The following PREX1 variants were observed in gnomAD, a reference collection of about 807,000 sequenced individuals.
The protein encoded by PREX1 is phosphatidylinositol 3,4,5-trisphosphate-dependent Rac exchanger 1 protein.
In PREX1, 41 loss-of-function variants were observed where a neutral mutation model predicts 198.3. The observed-to-expected ratio is 0.21, with a 90% CI of 0.16 to 0.27. The LOEUF (loss-of-function observed/expected upper bound fraction) is 0.27. Among genes scored for constraint, PREX1 ranks in the 10% least tolerant of loss-of-function variants. The pLI, the probability that PREX1 is intolerant of heterozygous loss-of-function variation, is 1.00. For synonymous variants in PREX1, 843 were observed against 887.2 expected (o/e 0.95, Z 0.89); for missense variants, 1,620 against 2,200.7 (o/e 0.74, Z 5.28).
chr20:48,857,840 G>A, the PREX1 span, among the ~76,000 whole-genome samples: 2 of 152,324 alleles, frequency 1.3e-5, no homozygotes, highest in East Asian at 3.9e-4. Flanking sequence ...GGTCCCGGGG[G>A]AGTTTGCATA....
intron 3 of PREX1, among the ~76,000 whole-genome samples, chr20:48,744,162 G>T (rs1413754520): frequency 6.6e-6 from 1 of 152,064 alleles, no homozygotes; most frequent in Non-Finnish European, 1.5e-5. Flanking sequence ...GGCATCCCTG[G>T]CCTCTACTTA....
intron 1 of PREX1, among the ~76,000 whole-genome samples, chr20:48,805,027 ATGAT>A (rs2090405538): frequency 1.3e-5 from 2 of 152,236 alleles, no homozygotes; most frequent in Non-Finnish European, 2.9e-5. Context: ...GGCATTTTAA[ATGAT>A]TGAGCAAGAT....
At chr20:48,653,159 G>C (rs2089513951) in intron 20 of PREX1, among the ~76,000 whole-genome samples, 1 of 152,176 alleles carries the variant, frequency 6.6e-6, no homozygotes, top group Non-Finnish European at 1.5e-5. Flanking sequence ...AGACCCCCGG[G>C]TATCATGGCT....
At chr20:48,803,138 A>T (rs911668449) in intron 1 of PREX1, among the ~76,000 whole-genome samples, 3 of 152,216 alleles carry the variant, frequency 2.0e-5, no homozygotes, top group Non-Finnish European at 4.4e-5. Context: ...AAACCCCCAG[A>T]TAAGTAGGTA....
chr20:48,803,799 G>C (rs1411428462), intron 1 of PREX1, among the ~76,000 whole-genome samples: 1 of 152,188 alleles, frequency 6.6e-6, no homozygotes, highest in Non-Finnish European at 1.5e-5. Context: ...GGTGATACTT[G>C]GTTCATGGAT....
At position 48,627,846 on chromosome 20, in the gene PREX1, G is replaced by A. The variant is rs778555124; in HGVS notation, c.4869+15C>T. On this transcript the variant is annotated intron_variant, in intron 38 of 39. Coordinates refer to ENST00000371941, the MANE Select transcript of PREX1 (RefSeq NM_020820.4). Reference sequence around the variant, plus strand: ...GCCCAGGGTGCTGGAGGACCCTGTGGCCAAGCGGCCTCACCTGCTTCCGCA... The same window carrying A: ...GCCCAGGGTGCTGGAGGACCCTGTGACCAAGCGGCCTCACCTGCTTCCGCA... 6.8e-6 allele frequency: 11 copies of A among 1,608,698 alleles called. No homozygotes were observed. Among genetic ancestry groups the A allele is most frequent in the Non-Finnish European group, 8.5e-6 (10 of 1,177,822 alleles).
rs79291265 is a variant in PREX1 at position 48,705,998 on chromosome 20, G to A, written c.783+2262C>T. Among the ~76,000 whole-genome samples, 291 of 152,224 alleles carry A rather than the reference G, an allele frequency of 1.9e-3. 9 individuals carry two copies. The highest frequency in any genetic ancestry group is 0.014 in the East Asian group (72 of 5,192). On this transcript the variant is annotated intron_variant, in intron 6 of 39. Transcript: ENST00000371941. ...CTCAGCTGCCTCATCTGTAAAATGG[G>A]GATAATAGCACCTCCCTTGTAGGGT...
At chr20:48,741,671 C>T (rs982115888) in intron 3 of PREX1, among the ~76,000 whole-genome samples, 2 of 152,126 alleles carry the variant, frequency 1.3e-5, no homozygotes, top group African/African-American at 4.8e-5. Context: ...GCGGACTGTT[C>T]TGTTGAGAAT....
intron 20 of PREX1, 135 bp from the exon 21 acceptor site, chr20:48,652,841 C>T (rs1271037860): frequency 1.9e-6 from 2 of 1,075,864 alleles, no homozygotes; most frequent in African/African-American, 1.6e-5. Flanking sequence ...CAGCCCTCAC[C>T]GTGCACAGTC....
intron 13 of PREX1, among the ~76,000 whole-genome samples, chr20:48,677,082 TAA>T (rs999635664): frequency 1.2e-4 from 18 of 152,222 alleles, no homozygotes; most frequent in Admixed American, 6.5e-5. Flanking sequence ...CCAAGGCTGA[TAA>T]AGTCTAGTTG....
At chr20:48,788,975 T>TC (rs2090325439) in intron 1 of PREX1, among the ~76,000 whole-genome samples, 1 of 152,132 alleles carries the variant, frequency 6.6e-6, no homozygotes, top group African/African-American at 2.4e-5. Flanking sequence ...ATGTGGCCCC[T>TC]CCACCTGGGA....
intron 11 of PREX1, among the ~76,000 whole-genome samples, chr20:48,680,741 C>T (rs1268562011): frequency 6.6e-6 from 1 of 151,878 alleles, no homozygotes; most frequent in Non-Finnish European, 1.5e-5. Flanking sequence ...CCCCATCTCC[C>T]CTATTCAAAA....
At chr20:48,828,610 C>T (rs1354290408), upstream of PREX1, among the ~76,000 whole-genome samples, 2 of 152,112 alleles carry the variant, frequency 1.3e-5, no homozygotes, top group Non-Finnish European at 2.9e-5. Flanking sequence ...GGTGCTACCA[C>T]GACCTTGGGA....
chr20:48,665,123 A>ACCCCAGACGGCCTGAATTCTAATCCCGG (rs1568812511), intron 15 of PREX1, among the ~76,000 whole-genome samples: 2 of 85,446 alleles, frequency 2.3e-5, no homozygotes, highest in Admixed American at 2.5e-4. Flanking sequence ...TTCTAATCCC[A>ACCCCAGACGGCCTGAATTCTAATCCCGG]CCCCAGACGG....
intron 2 of PREX1, among the ~76,000 whole-genome samples, chr20:48,746,724 T>C (rs1351736173): frequency 6.6e-6 from 1 of 151,976 alleles, no homozygotes; most frequent in African/African-American, 2.4e-5. Flanking sequence ...CACTAAGGTT[T>C]GCACCCTTTA....
chr20:48,799,175 C>T (rs527574318), intron 1 of PREX1, among the ~76,000 whole-genome samples: 1 of 152,364 alleles, frequency 6.6e-6, no homozygotes, highest in Admixed American at 6.5e-5. Context: ...AGCCACCCCA[C>T]CTGGCCCTGA....
chr20:48,811,735 C>G (rs1465837716), intron 1 of PREX1, among the ~76,000 whole-genome samples: 2 of 123,388 alleles, frequency 1.6e-5, no homozygotes, highest in Non-Finnish European at 3.7e-5. Flanking sequence ...CACACACACA[C>G]CCCTCACACT....
At chr20:48,707,504 T>C (rs1394397681) in intron 6 of PREX1, among the ~76,000 whole-genome samples, 1 of 152,194 alleles carries the variant, frequency 6.6e-6, no homozygotes, top group East Asian at 1.9e-4. Context: ...ATATGGCAAG[T>C]GACTCCAAAG....
At chr20:48,851,032 G>A in the PREX1 span, among the ~76,000 whole-genome samples, 1 of 152,100 alleles carries the variant, frequency 6.6e-6, no homozygotes, top group Non-Finnish European at 1.5e-5. Flanking sequence ...TTCAAATTTT[G>A]GCTTCCATAA....
Sources: gnomAD v4.1 joint callset for allele counts (sites outside exome capture counted in the v4.1 genomes callset) on GRCh38, gnomAD v4.1.1 for gene constraint, MANE v1.5 for transcripts, NCBI Gene and HGNC (gene_info 2026-07-23, HGNC 2026-07-21) for gene names.